KLF12: variants seen among roughly 807,000 people sequenced by gnomAD.
KLF12 encodes the protein KLF transcription factor 12.
In KLF12, 9 loss-of-function variants were observed where a neutral mutation model predicts 37.8. That is an observed-to-expected ratio of 0.24 (90% CI 0.14 to 0.42). KLF12 has a LOEUF of 0.42. Ranked by LOEUF, KLF12 falls within the 10% of genes least tolerant of loss-of-function variation. The pLI, the probability that KLF12 is intolerant of heterozygous loss-of-function variation, is 1.00. For missense variants in KLF12, 411 were observed against 516.0 expected (o/e 0.80, Z 1.97); for synonymous variants, 208 against 202.1 (o/e 1.03, Z -0.25).
At chr13:74,007,366 C>T (rs1188780731) in intron 1 of KLF12, among the ~76,000 whole-genome samples, 1 of 151,890 alleles carries the variant, frequency 6.6e-6, no homozygotes, top group African/African-American at 2.4e-5. Flanking sequence ...AGCTCCATCC[C>T]CCCCGGGTTC....
intron 6 of KLF12, among the ~76,000 whole-genome samples, chr13:73,729,974 C>T (rs966867110): frequency 1.3e-5 from 2 of 152,024 alleles, no homozygotes; most frequent in Non-Finnish European, 2.9e-5. Flanking sequence ...CCTTCCCAGC[C>T]CCCTCCAGGA....
chr13:74,286,723 T>A, the KLF12 span, among the ~76,000 whole-genome samples: 1 of 152,186 alleles, frequency 6.6e-6, no homozygotes, highest in Non-Finnish European at 1.5e-5. Flanking sequence ...TCAGCATCTG[T>A]GGTGTTAGGA....
At chr13:73,738,607 CA>C (rs1877707779) in intron 6 of KLF12, among the ~76,000 whole-genome samples, 1 of 152,050 alleles carries the variant, frequency 6.6e-6, no homozygotes, top group Non-Finnish European at 1.5e-5. Context: ...AAAAGTCAGG[CA>C]AAACCCAAAT....
intron 3 of KLF12, among the ~76,000 whole-genome samples, chr13:73,884,990 T>C (rs1228466729): frequency 6.6e-6 from 1 of 152,190 alleles, no homozygotes; most frequent in Non-Finnish European, 1.5e-5. Flanking sequence ...ATAATCTTCT[T>C]TGTTGGCTCT....
At chr13:74,109,981 C>T (rs576474093) in intron 1 of KLF12, among the ~76,000 whole-genome samples, 1 of 151,942 alleles carries the variant, frequency 6.6e-6, no homozygotes, top group East Asian at 1.9e-4. Flanking sequence ...GGGAAAAAAA[C>T]AGGAAAAAGT....
At chr13:73,819,103 A>C (rs1433119662) in intron 4 of KLF12, among the ~76,000 whole-genome samples, 1 of 152,140 alleles carries the variant, frequency 6.6e-6, no homozygotes, top group Non-Finnish European at 1.5e-5. Flanking sequence ...CCAGAAAAGG[A>C]GGGTCAGGAA....
At chr13:73,932,027 T>TA (rs1314345322) in intron 3 of KLF12, among the ~76,000 whole-genome samples, 272 of 143,172 alleles carry the variant, frequency 1.9e-3, no homozygotes, top group African/African-American at 5.6e-3. Flanking sequence ...TAACCACAGT[T>TA]AAAAAAAAAA....
At chr13:73,743,999 G>T (rs1204446439) in intron 6 of KLF12, among the ~76,000 whole-genome samples, 2 of 152,190 alleles carry the variant, frequency 1.3e-5, no homozygotes, top group African/African-American at 4.8e-5. Context: ...AAGAACTTTA[G>T]TGACCTCTCC....
the KLF12 span, among the ~76,000 whole-genome samples, chr13:74,240,134 G>T: frequency 6.6e-6 from 1 of 152,030 alleles, no homozygotes; most frequent in African/African-American, 2.4e-5. Context: ...TGTAAGGCAG[G>T]CCTGGTGGTG....
chr13:73,708,288 C>T (rs912412705), intron 7 of KLF12, among the ~76,000 whole-genome samples: 1 of 152,152 alleles, frequency 6.6e-6, no homozygotes, highest in African/African-American at 2.4e-5. Context: ...GGATTACCTA[C>T]TGGGCCTCAC....
In KLF12 at chr13:73,926,489, C is replaced by A. The variant is rs9600187; in HGVS notation, c.123+17492G>T. 3.1e-3 allele frequency among the ~76,000 whole-genome samples: 469 copies of A among 151,888 alleles called. 4 individuals carry two copies. The highest frequency in any genetic ancestry group is 8.1e-3 in the East Asian group (42 of 5,186). The stretch of plus-strand genomic sequence containing the variant: ...AGCATAAACATAAGTTTAATATGTA[C>A]TAGGAAACAAAAAAAAATTGTGTGA... On this transcript the variant is annotated intron_variant, in intron 3 of 7. Transcript: ENST00000377669.
At chr13:74,162,320 A>G in the KLF12 span, among the ~76,000 whole-genome samples, 1 of 152,206 alleles carries the variant, frequency 6.6e-6, no homozygotes, top group African/African-American at 2.4e-5. Context: ...CTACAAAGGA[A>G]GCCTCTTGTT....
chr13:73,814,600 C>A (rs1281057404), intron 4 of KLF12, among the ~76,000 whole-genome samples: 1 of 152,008 alleles, frequency 6.6e-6, no homozygotes, highest in Non-Finnish European at 1.5e-5. Context: ...ATAAATATAC[C>A]AAAACGTGCT....
the KLF12 span, among the ~76,000 whole-genome samples, chr13:74,139,501 T>C: frequency 6.6e-6 from 1 of 152,210 alleles, no homozygotes; most frequent in South Asian, 2.1e-4. Context: ...CTGCAATGTG[T>C]CGGTAAATAC....
At chr13:73,715,073 G>A (rs985777092) in intron 7 of KLF12, among the ~76,000 whole-genome samples, 1 of 152,156 alleles carries the variant, frequency 6.6e-6, no homozygotes, top group African/African-American at 2.4e-5. Flanking sequence ...CTTCTTTGAT[G>A]TGCCACGTGG....
intron 7 of KLF12, among the ~76,000 whole-genome samples, chr13:73,697,666 T>C (rs1197975335): frequency 1.3e-5 from 2 of 152,182 alleles, no homozygotes; most frequent in Non-Finnish European, 2.9e-5. Flanking sequence ...CCATCTTTGG[T>C]ACATTGAGCT....
At chr13:73,900,482 T>TA (rs1298516897) in intron 3 of KLF12, among the ~76,000 whole-genome samples, 2 of 152,208 alleles carry the variant, frequency 1.3e-5, no homozygotes, top group Non-Finnish European at 1.5e-5. Flanking sequence ...CATTATAGCA[T>TA]AATTTTAAAC....
rs1873983105 is a variant in KLF12, at chr13:73,694,262, C to G, written c.*1228G>C. On this transcript the variant is annotated 3_prime_UTR_variant, in exon 8 of 8. Transcript: ENST00000377669. ...GCTATGCCTCCCTTGCCTTTCTAGT[C>G]ACCAAATAACTGTTTTCAAACAAGA... 6.6e-6 allele frequency: 1 copy of G among 152,560 alleles called. No individual in the cohort carries two copies. Among genetic ancestry groups the G allele is most frequent in the Non-Finnish European group, 1.5e-5 (1 of 68,038 alleles). The allele number at this position is 152,560 out of a possible 1,614,324, so 9.5% of individuals were successfully genotyped here.
the KLF12 span, among the ~76,000 whole-genome samples, chr13:74,201,210 A>G: frequency 6.6e-6 from 1 of 152,146 alleles, no homozygotes; most frequent in African/African-American, 2.4e-5. Flanking sequence ...TAACATTTCT[A>G]TCTTCTGCAT....
Sources: gnomAD v4.1 joint callset for allele counts (sites outside exome capture counted in the v4.1 genomes callset) on GRCh38, gnomAD v4.1.1 for gene constraint, MANE v1.5 for transcripts, NCBI Gene and HGNC (gene_info 2026-07-23, HGNC 2026-07-21) for gene names.